GALNT2: variants seen among roughly 807,000 people sequenced by gnomAD.
GALNT2 encodes the protein UDP-GalNAc:polypeptide N-acetylgalactosaminyltransferase 2.
A neutral mutation model predicts 81.4 loss-of-function variants in GALNT2; 31 were observed. The observed-to-expected ratio is 0.38, with a 90% CI of 0.29 to 0.51. The LOEUF is 0.51. Ranked by LOEUF, GALNT2 falls within the 20% of genes least tolerant of loss-of-function variation. GALNT2 has a pLI of 0.87. For missense variants in GALNT2, 629 were observed against 765.7 expected (o/e 0.82, Z 2.11); for synonymous variants, 303 against 287.4 (o/e 1.05, Z -0.55).
At chr1:230,140,567 G>A (rs566719207) in intron 1 of GALNT2, among the ~76,000 whole-genome samples, 45 of 152,194 alleles carry the variant, frequency 3.0e-4, no homozygotes, top group African/African-American at 9.6e-4. Context: ...AGTGGTGCTC[G>A]GGAAACTTCC....
At chr1:230,130,288 C>T (rs1037899672) in intron 1 of GALNT2, among the ~76,000 whole-genome samples, 12 of 152,346 alleles carry the variant, frequency 7.9e-5, no homozygotes, top group East Asian at 1.9e-4. Flanking sequence ...ACAGCGCTGC[C>T]GCAGCCAGGC....
intron 1 of GALNT2, among the ~76,000 whole-genome samples, chr1:230,150,743 A>G (rs1462602368): frequency 6.6e-6 from 1 of 152,230 alleles, no homozygotes; most frequent in Non-Finnish European, 1.5e-5. Flanking sequence ...TTGGCCTTCT[A>G]GGATGGCGGG....
rs2102748385 is a variant in GALNT2, at chr1:230,250,486, T to C, written c.935T>C (p.Val312Ala). ...CCCATGATTGCTGGTGGGCTGTTTGTGATGGATAAGTTCTATTTTGAAGAA... is the reference window on the plus strand; with the variant it reads ...CCCATGATTGCTGGTGGGCTGTTTGCGATGGATAAGTTCTATTTTGAAGAA... ...KTPMIAGGLF[V>A]MDKFYFEELG... The change falls in exon 10 of 16, where the codon GTG becomes GCG. Residue 312 changes from valine (V) to alanine (A), a missense_variant. Around this residue, in one of 3 missense-constraint regions of GALNT2, gnomAD observed 360 missense variants for 492.8 expected, o/e 0.73. Transcript: ENST00000366672. 1 of 1,613,922 alleles carries C rather than the reference T, an allele frequency of 6.2e-7. No homozygotes were observed. Among genetic ancestry groups the C allele is most frequent in the East Asian group, 2.2e-5 (1 of 44,862 alleles).
chr1:230,207,489 T>A (rs759401500), intron 3 of GALNT2, among the ~76,000 whole-genome samples: 6 of 152,186 alleles, frequency 3.9e-5, no homozygotes, highest in Non-Finnish European at 7.3e-5. Context: ...AATATTTACA[T>A]GGAATCAGGA....
At chr1:230,090,651 C>T (rs753995136) in intron 1 of GALNT2, among the ~76,000 whole-genome samples, 19 of 152,200 alleles carry the variant, frequency 1.2e-4, no homozygotes, top group Non-Finnish European at 2.2e-4. Flanking sequence ...TAAGTTGATC[C>T]AGGAAGAAGT....
intron 1 of GALNT2, among the ~76,000 whole-genome samples, chr1:230,166,127 TA>T (rs3831028): frequency 4.0e-5 from 6 of 149,314 alleles, no homozygotes; most frequent in African/African-American, 9.9e-5. Flanking sequence ...TTGTAATTAA[TA>T]AAAAAAAAAG....
At chr1:230,162,931 C>T (rs982720403) in intron 1 of GALNT2, among the ~76,000 whole-genome samples, 13 of 152,168 alleles carry the variant, frequency 8.5e-5, no homozygotes, top group Non-Finnish European at 1.9e-4. Context: ...GGACAATTTC[C>T]CCTGTAACTT....
rs1020989696 is a variant in GALNT2, at chr1:230,279,989, G to A, written c.*531G>A. The A allele has an allele frequency of 5.9e-5, 27 of 455,962 alleles. No individual in the cohort carries two copies. Among genetic ancestry groups the A allele is most frequent in the African/African-American group, 5.0e-4 (25 of 50,030 alleles). The allele number at this position is 455,962 out of a possible 1,614,324, so 28.2% of individuals were successfully genotyped here. On this transcript the variant is annotated 3_prime_UTR_variant, in exon 16 of 16. Coordinates refer to ENST00000366672, the MANE Select transcript of GALNT2 (RefSeq NM_004481.5). This position sits in a 1 kb window ranked among gnomAD's most constrained non-coding sequence, Gnocchi z 4.6. ...TCCTCCATTCGCAAGTGTCTTCCTGGGCCAGACTCCCCTCCACCTCATGTA... is the reference window on the plus strand; with the variant it reads ...TCCTCCATTCGCAAGTGTCTTCCTGAGCCAGACTCCCCTCCACCTCATGTA...
Position 230,246,140 on chromosome 1 carries a change from C to T in GALNT2, c.807C>T (p.Asp269=). The change falls in exon 8 of 16, where the codon GAC becomes GAT. Residue 269 remains aspartate, a synonymous_variant. Coordinates refer to ENST00000366672, the MANE Select transcript of GALNT2 (RefSeq NM_004481.5). ...DNFQYVGASA[D]LKGGFDWNLV... is the part of the protein sequence containing the mutation. ...TTCAGTATGTGGGGGCATCTGCTGA[C>T]TTGAAGGGCGGTAGGTGTCTGTCAT... 1 of 1,613,684 alleles carries T rather than the reference C, an allele frequency of 6.2e-7. No individual in the cohort carries two copies. Among genetic ancestry groups the T allele is most frequent in the Non-Finnish European group, 8.5e-7 (1 of 1,179,618 alleles).
At chr1:230,139,461 G>T (rs899749224) in intron 1 of GALNT2, among the ~76,000 whole-genome samples, 3 of 152,144 alleles carry the variant, frequency 2.0e-5, no homozygotes, top group East Asian at 3.9e-4. Context: ...CAGGGTCTCA[G>T]CCTCTGCCTT....
At chr1:230,242,662 A>G (rs952577361) in intron 6 of GALNT2, among the ~76,000 whole-genome samples, 1 of 152,120 alleles carries the variant, frequency 6.6e-6, no homozygotes, top group Non-Finnish European at 1.5e-5. Context: ...AGCTAGAACC[A>G]CAGGCGCACG....
intron 1 of GALNT2, among the ~76,000 whole-genome samples, chr1:230,117,454 C>G (rs899244180): frequency 1.3e-5 from 2 of 152,182 alleles, no homozygotes; most frequent in African/African-American, 4.8e-5. Context: ...TCATTATCAG[C>G]TTTTGATTTA....
chr1:230,149,625 G>A (rs4846909), intron 1 of GALNT2, among the ~76,000 whole-genome samples: 117,671 of 152,098 alleles, frequency 0.77, 46,073 homozygotes, highest in Admixed American at 0.8. Context: ...GTTTGTGTGC[G>A]TCCTGCCACA....
At chr1:230,109,316 G>T (rs1265821204) in intron 1 of GALNT2, among the ~76,000 whole-genome samples, 1 of 152,202 alleles carries the variant, frequency 6.6e-6, no homozygotes, top group Non-Finnish European at 1.5e-5. Context: ...GGCCCTGCAG[G>T]CTCCCTCGGG....
intron 1 of GALNT2, among the ~76,000 whole-genome samples, chr1:230,130,901 C>T (rs1661346658): frequency 6.6e-6 from 1 of 152,148 alleles, no homozygotes; most frequent in Non-Finnish European, 1.5e-5. Flanking sequence ...CTGGCCCACA[C>T]CCGTGACTGC....
chr1:230,173,218 G>T (rs1450274610), intron 1 of GALNT2, among the ~76,000 whole-genome samples: 1 of 152,088 alleles, frequency 6.6e-6, no homozygotes, highest in Non-Finnish European at 1.5e-5. Flanking sequence ...TGTACTTTAG[G>T]GCATCTAGGT....
chr1:230,280,119 C>T lies in GALNT2; in HGVS notation c.*661C>T. 4.8e-6 allele frequency: 2 copies of T among 416,016 alleles called. No individual in the cohort carries two copies. Among genetic ancestry groups the T allele is most frequent in the Admixed American group, 5.1e-5 (2 of 39,040 alleles). The allele number at this position is 416,016 out of a possible 1,614,324, so 25.8% of individuals were successfully genotyped here. A position where few individuals can be genotyped will look rare whatever the true frequency, so the allele number is the denominator to read the frequency against. On this transcript the variant is annotated 3_prime_UTR_variant, in exon 16 of 16. Transcript: ENST00000366672. ...CCCTATGGTTTCTGTAGATCATCGT[C>T]ATCTTGTATATTCCCCACAAAGCCG...
intron 1 of GALNT2, among the ~76,000 whole-genome samples, chr1:230,159,191 T>G (rs1039083136): frequency 6.6e-6 from 1 of 152,218 alleles, no homozygotes; most frequent in Non-Finnish European, 1.5e-5. Flanking sequence ...GCTGCACCCT[T>G]TGCTGTTGAT....
intron 1 of GALNT2, among the ~76,000 whole-genome samples, chr1:230,109,271 G>A (rs1428946883): frequency 1.3e-5 from 2 of 152,188 alleles, no homozygotes; most frequent in African/African-American, 2.4e-5. Flanking sequence ...AGGGAGGTGC[G>A]GGGTGGGGTG....
Sources: gnomAD v4.1 joint callset for allele counts (sites outside exome capture counted in the v4.1 genomes callset) on GRCh38, gnomAD v4.1.1 for gene constraint, gnomAD v4.1.1 regional missense constraint, Gnocchi (gnomAD v3.1) non-coding constraint, MANE v1.5 for transcripts, NCBI Gene and HGNC (gene_info 2026-07-23, HGNC 2026-07-21) for gene names.